ATRNL1: variants seen among roughly 807,000 people sequenced by gnomAD.
ATRNL1 encodes attractin like 1.
Under a neutral mutation model 182.7 loss-of-function variants are expected in ATRNL1, and 95 were observed. The ratio of observed to expected loss-of-function variants is 0.52; its 90% CI spans 0.44 to 0.62. The LOEUF (loss-of-function observed/expected upper bound fraction) is 0.62. Ranked by LOEUF, ATRNL1 falls within the 20% of genes least tolerant of loss-of-function variation. ATRNL1 has a pLI of 0.00. For missense variants in ATRNL1, 1,471 were observed against 1,679.5 expected, an observed-to-expected ratio of 0.88 and a Z score of 2.17; for synonymous variants, 576 against 568.3, an observed-to-expected ratio of 1.01 and a Z score of -0.19.
chr10:115,239,410 T>A (rs1850318302), intron 9 of ATRNL1, among the ~76,000 whole-genome samples: 3 of 151,956 alleles, frequency 2.0e-5, no homozygotes, highest in African/African-American at 7.2e-5. Flanking sequence ...TTTTTTGTAT[T>A]TTTAGTAGAG....
chr10:115,410,431 C>T lies in ATRNL1; in HGVS notation c.3269+15679C>T, dbSNP rs551861392. On this transcript the variant is annotated intron_variant, in intron 20 of 28. Coordinates refer to ENST00000355044, the MANE Select transcript of ATRNL1 (RefSeq NM_207303.4). ...CTGCCTCTCGGGTTCAAGTGATTCT[C>T]CTGCCTCAGCCTCCCGAGTAGCTGG... Among the ~76,000 whole-genome samples the T allele has an allele frequency of 8.6e-5, 13 of 151,660 alleles. No homozygotes were observed. In the South Asian group the frequency reaches 2.7e-3, roughly 32 times the overall value.
intron 27 of ATRNL1, among the ~76,000 whole-genome samples, chr10:115,769,693 C>G (rs1487604672): frequency 2.0e-5 from 3 of 152,012 alleles, no homozygotes; most frequent in Non-Finnish European, 4.4e-5. Flanking sequence ...CTGATTTCGG[C>G]CAAATTACTA....
intron 26 of ATRNL1, among the ~76,000 whole-genome samples, chr10:115,587,345 C>T (rs1201286986): frequency 2.0e-5 from 3 of 152,122 alleles, no homozygotes; most frequent in Admixed American, 6.5e-5. Flanking sequence ...ATGGCGGGCG[C>T]CCCTCCCCCA....
chr10:115,870,614 A>T (rs1372163187), intron 28 of ATRNL1, among the ~76,000 whole-genome samples: 1 of 152,232 alleles, frequency 6.6e-6, no homozygotes, highest in Non-Finnish European at 1.5e-5. Context: ...TATTATCCTC[A>T]TATTCAGTGT....
intron 21 of ATRNL1, among the ~76,000 whole-genome samples, chr10:115,445,926 T>A (rs1293100413): frequency 6.6e-6 from 1 of 152,194 alleles, no homozygotes. Context: ...CAGAAATCAT[T>A]ACTTTATTTC....
chr10:115,577,610 T>TTGTGTGTGTGTGTG lies in ATRNL1; in HGVS notation c.3795+28104_3795+28117dup, dbSNP rs3981280. ...TACTGAATTTATTTGTTCTAACAGG[T>TTGTGTGTGTGTGTG]TGTGTGTGTGTGTGTGTGTGTGTGT... On this transcript the variant is annotated intron_variant, in intron 26 of 28. Transcript: ENST00000355044. Among the ~76,000 whole-genome samples the TTGTGTGTGTGTGTG allele has an allele frequency of 7.6e-4, 103 of 135,104 alleles. 1 individual carries two copies. Among genetic ancestry groups the TTGTGTGTGTGTGTG allele is most frequent in the South Asian group, 2.5e-3 (10 of 4,004 alleles). The allele number at this position is 135,104 out of a possible 152,430, so 88.6% of individuals were successfully genotyped here. A position where few individuals can be genotyped will look rare whatever the true frequency, so the allele number is the denominator to read the frequency against.
intron 19 of ATRNL1, among the ~76,000 whole-genome samples, chr10:115,383,788 CAAAA>C (rs1286170557): frequency 1.3e-5 from 2 of 150,846 alleles, no homozygotes; most frequent in African/African-American, 4.8e-5. Flanking sequence ...TATTTGTTGA[CAAAA>C]TAAATGAAGT....
At chr10:115,918,343 T>C (rs1307076485) in intron 28 of ATRNL1, among the ~76,000 whole-genome samples, 1 of 152,102 alleles carries the variant, frequency 6.6e-6, no homozygotes, top group African/African-American at 2.4e-5. Context: ...CCAAAGGTAA[T>C]CCGCCCACCT....
chr10:115,185,401 G>A (rs1436655534), intron 8 of ATRNL1, among the ~76,000 whole-genome samples: 1 of 152,012 alleles, frequency 6.6e-6, no homozygotes, highest in African/African-American at 2.4e-5. Flanking sequence ...AAAACGATGG[G>A]TCATGTCAAA....
intron 28 of ATRNL1, among the ~76,000 whole-genome samples, chr10:115,885,146 T>C (rs1156436795): frequency 6.6e-6 from 1 of 152,218 alleles, no homozygotes; most frequent in Non-Finnish European, 1.5e-5. Context: ...TGATGAACAG[T>C]GACTGTGTAA....
intron 15 of ATRNL1, among the ~76,000 whole-genome samples, chr10:115,289,578 G>T (rs1227170953): frequency 6.6e-6 from 1 of 151,860 alleles, no homozygotes; most frequent in East Asian, 1.9e-4. Flanking sequence ...AGAGGTGGGG[G>T]TCTAGTTTAA....
chr10:115,268,265 A>C, intron 12 of ATRNL1, 61 bp from the exon 13 acceptor site: 1 of 945,234 alleles, frequency 1.1e-6, no homozygotes, highest in South Asian at 1.4e-5. Context: ...AGATATTGTA[A>C]ATTAAGAAGA....
At chr10:115,193,547 G>T (rs1848244134) in intron 8 of ATRNL1, among the ~76,000 whole-genome samples, 1 of 151,598 alleles carries the variant, frequency 6.6e-6, no homozygotes, top group Admixed American at 6.6e-5. Flanking sequence ...ATTTTCTGTG[G>T]TATCCCTTGT....
At chr10:115,424,197 A>G (rs1221197290) in intron 20 of ATRNL1, among the ~76,000 whole-genome samples, 4 of 152,198 alleles carry the variant, frequency 2.6e-5, no homozygotes, top group Admixed American at 2.6e-4. Context: ...GTCACTCATC[A>G]TTAGGAAAAT....
intron 28 of ATRNL1, among the ~76,000 whole-genome samples, chr10:115,900,375 G>A (rs1952320221): frequency 6.6e-6 from 1 of 151,984 alleles, no homozygotes; most frequent in African/African-American, 2.4e-5. Context: ...AATCTCAAAC[G>A]ATGAAAAAAT....
At chr10:115,176,737 C>T (rs1371175584) in intron 8 of ATRNL1, among the ~76,000 whole-genome samples, 1 of 151,966 alleles carries the variant, frequency 6.6e-6, no homozygotes, top group Non-Finnish European at 1.5e-5. Flanking sequence ...GTGAGATAGC[C>T]ACTAGATGTC....
At chr10:115,763,915 CAG>C (rs1948794218) in intron 27 of ATRNL1, among the ~76,000 whole-genome samples, 1 of 151,996 alleles carries the variant, frequency 6.6e-6, no homozygotes, top group South Asian at 2.1e-4. Flanking sequence ...TTGAAAGAAA[CAG>C]AAGATGATAC....
At chr10:115,207,381 C>G (rs1848840639) in intron 8 of ATRNL1, among the ~76,000 whole-genome samples, 1 of 152,116 alleles carries the variant, frequency 6.6e-6, no homozygotes, top group Non-Finnish European at 1.5e-5. Flanking sequence ...GATCGCCGTT[C>G]TAACTGGCAT....
At chr10:115,834,649 G>A (rs4307638) in intron 27 of ATRNL1, among the ~76,000 whole-genome samples, 72,915 of 152,014 alleles carry the variant, frequency 0.48, 18,821 homozygotes, top group East Asian at 0.76. Context: ...GTCGGATTTG[G>A]AATCTGTATT....
Sources: gnomAD v4.1 joint callset for allele counts (sites outside exome capture counted in the v4.1 genomes callset) on GRCh38, gnomAD v4.1.1 for gene constraint, MANE v1.5 for transcripts, NCBI Gene and HGNC (gene_info 2026-07-23, HGNC 2026-07-21) for gene names.